SPATA7: variants seen among roughly 807,000 people sequenced by gnomAD.
SPATA7 encodes spermatogenesis associated 7.
SPATA7 carries 43 observed loss-of-function variants against 51.8 expected under a neutral mutation model. The observed-to-expected ratio is 0.83, with a 90% CI of 0.65 to 1.07. The LOEUF (loss-of-function observed/expected upper bound fraction) is 1.07, where lower values mean the gene tolerates loss of function less well. Among genes scored for constraint, SPATA7 ranks in the 50% least tolerant of loss-of-function variants. The pLI is 0.00. For missense variants in SPATA7, 683 were observed against 701.3 expected, an observed-to-expected ratio of 0.97 and a Z score of 0.30; for synonymous variants, 230 against 252.8, an observed-to-expected ratio of 0.91 and a Z score of 0.86.
intron 4 of SPATA7, among the ~76,000 whole-genome samples, chr14:88,408,684 C>G (rs868191294): frequency 1.3e-4 from 19 of 147,686 alleles, no homozygotes; most frequent in Admixed American, 9.3e-4. Context: ...TTGTCTTGGG[C>G]CGGTTTTCAA....
downstream of SPATA7, among the ~76,000 whole-genome samples, chr14:88,442,940 A>AT (rs201523703): frequency 0.024 from 2,993 of 124,228 alleles, 97 homozygotes; most frequent in African/African-American, 0.074. Flanking sequence ...TTTGTTAGTA[A>AT]TTTTTTTTTT....
At chr14:88,464,164 T>TTAGA (rs2077337775) in intron 4 of SPATA7, among the ~76,000 whole-genome samples, 1 of 152,022 alleles carries the variant, frequency 6.6e-6, no homozygotes, top group African/African-American at 2.4e-5. Flanking sequence ...ATAAATAATT[T>TTAGA]TAGATAGTAG....
chr14:88,438,082 C>T lies in SPATA7; in HGVS notation c.1460C>T (p.Ser487Leu), dbSNP rs2077140697. The T allele has an allele frequency of 6.2e-7, 1 of 1,614,006 alleles. No homozygotes were observed. ...AAGGATGAGAACGAGATATTCCCTTCACCAACTGAATTTTTCATGCCTATT... is the reference window on the plus strand; with the variant it reads ...AAGGATGAGAACGAGATATTCCCTTTACCAACTGAATTTTTCATGCCTATT... Reference protein sequence around the residue: ...APKDENEIFPSPTEFFMPIYK... With the variant: ...APKDENEIFPLPTEFFMPIYK... The change falls in exon 12 of 12, where the codon TCA becomes TTA. Residue 487 changes from serine to leucine, a missense_variant. By Grantham distance (145) the Ser-to-Leu change is moderately radical. Transcript: ENST00000393545.
At position 88,394,589 on chromosome 14, in the gene SPATA7, T is replaced by G. The variant is rs139456718; in HGVS notation, c.190+1101T>G. ...CATTTGGATTGTTTTGACTCACTTT[T>G]GGCCATTAGGAATAAAGCTGCTATA... On this transcript the variant is annotated intron_variant, in intron 3 of 11. Transcript: ENST00000393545. 2.7e-3 allele frequency among the ~76,000 whole-genome samples: 412 copies of G among 152,340 alleles called. 2 individuals are homozygous for G. The highest frequency in any genetic ancestry group is 4.4e-3 in the Non-Finnish European group (300 of 68,034).
intron 4 of SPATA7, chr14:88,468,235 GC>G: frequency 1.9e-6 from 3 of 1,610,212 alleles, no homozygotes; most frequent in Non-Finnish European, 2.5e-6. Flanking sequence ...TGTTGCCTCA[GC>G]ATGTCCAGCA....
intron 5 of SPATA7, among the ~76,000 whole-genome samples, chr14:88,424,353 A>G (rs1046001268): frequency 6.6e-6 from 1 of 152,250 alleles, no homozygotes; most frequent in Non-Finnish European, 1.5e-5. Context: ...AAATTATAAG[A>G]TACAAAAATG....
chr14:88,467,107 T>C (rs1431315343), intron 4 of SPATA7: 1 of 152,138 alleles, frequency 6.6e-6, no homozygotes, highest in Non-Finnish European at 1.5e-5. Flanking sequence ...AATACTGCAT[T>C]TTTGTAAAGA....
At chr14:88,398,518 T>C (rs866180990) in intron 4 of SPATA7, among the ~76,000 whole-genome samples, 16 of 147,598 alleles carry the variant, frequency 1.1e-4, no homozygotes, top group South Asian at 2.3e-4. Context: ...TTGGGAGATA[T>C]ACCTAATGCT....
At chr14:88,423,353 C>A in intron 5 of SPATA7, among the ~76,000 whole-genome samples, 1 of 122,856 alleles carries the variant, frequency 8.1e-6, no homozygotes, top group African/African-American at 3.2e-5. Flanking sequence ...GCCTGGACAA[C>A]ATGGCAAAAC....
intron 3 of SPATA7, among the ~76,000 whole-genome samples, chr14:88,444,756 G>T (rs2077200011): frequency 3.9e-5 from 6 of 152,226 alleles, no homozygotes; most frequent in South Asian, 2.1e-4. Flanking sequence ...TTTCCCCATT[G>T]CTTGTTTTCC....
At chr14:88,454,425 A>T (rs916614609) in intron 3 of SPATA7, among the ~76,000 whole-genome samples, 1 of 152,194 alleles carries the variant, frequency 6.6e-6, no homozygotes, top group African/African-American at 2.4e-5. Flanking sequence ...TGTAAAATTT[A>T]TAACTTCAGG....
chr14:88,455,690 A>G (rs964003125), downstream of SPATA7, among the ~76,000 whole-genome samples: 14 of 152,056 alleles, frequency 9.2e-5, no homozygotes, highest in Non-Finnish European at 1.8e-4. Context: ...AGTATTTTAC[A>G]TGAATAATTT....
intron 4 of SPATA7, among the ~76,000 whole-genome samples, chr14:88,462,334 G>A (rs1484600527): frequency 6.6e-6 from 1 of 152,138 alleles, no homozygotes; most frequent in Non-Finnish European, 1.5e-5. Flanking sequence ...ACTAGTTATT[G>A]AATCTGTACT....
At chr14:88,460,319 C>T (rs1469911011) in intron 4 of SPATA7, among the ~76,000 whole-genome samples, 1 of 152,144 alleles carries the variant, frequency 6.6e-6, no homozygotes, top group Non-Finnish European at 1.5e-5. Flanking sequence ...AACTTGGTTC[C>T]ATTCTCCCCA....
chr14:88,417,314 T>A (rs1276417579), intron 5 of SPATA7, among the ~76,000 whole-genome samples: 25 of 145,086 alleles, frequency 1.7e-4, no homozygotes, highest in Non-Finnish European at 3.4e-4. Flanking sequence ...GTTTTTTTTT[T>A]TTTATATATA....
chr14:88,456,445 G>A (rs1314222659), downstream of SPATA7, among the ~76,000 whole-genome samples: 1 of 151,938 alleles, frequency 6.6e-6, no homozygotes, highest in East Asian at 1.9e-4. Flanking sequence ...ATCTCATTGT[G>A]GTTTTGATTT....
chr14:88,438,232 C>T lies in SPATA7; in HGVS notation c.1610C>T (p.Ser537Phe). 6.2e-7 allele frequency: 1 copy of T among 1,614,054 alleles called. No individual in the cohort carries two copies. Among genetic ancestry groups the T allele is most frequent in the Non-Finnish European group, 8.5e-7 (1 of 1,179,990 alleles). The part of the protein sequence containing the change: ...ISDSLTDRET[S>F]VNVIEGDSDP... ...GACAGTTTAACAGATCGGGAAACTT[C>T]TGTGAATGTCATTGAAGGTGATAGT... is the stretch of plus-strand genomic sequence containing the variant. The change falls in exon 12 of 12, where the codon TCT becomes TTT. Residue 537 changes from serine to phenylalanine, a missense_variant. Physicochemically the swap from Ser to Phe is radical, Grantham distance 155. Transcript: ENST00000393545.
downstream of SPATA7, among the ~76,000 whole-genome samples, chr14:88,441,965 T>G (rs2077181304): frequency 6.6e-6 from 1 of 152,220 alleles, no homozygotes; most frequent in Non-Finnish European, 1.5e-5. Flanking sequence ...AGAATTTTTA[T>G]AGTTTCAGGT....
intron 4 of SPATA7, among the ~76,000 whole-genome samples, chr14:88,403,157 A>C (rs908532046): frequency 6.6e-6 from 1 of 152,180 alleles, no homozygotes; most frequent in Non-Finnish European, 1.5e-5. Flanking sequence ...GCTATCAAAA[A>C]GACAACATGT....
Sources: gnomAD v4.1 joint callset for allele counts (sites outside exome capture counted in the v4.1 genomes callset) on GRCh38, gnomAD v4.1.1 for gene constraint, MANE v1.5 for transcripts, NCBI Gene and HGNC (gene_info 2026-07-23, HGNC 2026-07-21) for gene names.